Variants in PCDH9 observed in about 807,000 individuals in gnomAD.
The protein encoded by PCDH9 is protocadherin 9.
In PCDH9, 24 loss-of-function variants were observed where a neutral mutation model predicts 70.6. The observed-to-expected ratio is 0.34, with a 90% CI of 0.25 to 0.48. The LOEUF (loss-of-function observed/expected upper bound fraction) is 0.48, where lower values mean the gene tolerates loss of function less well. Ranked by LOEUF, PCDH9 falls within the 20% of genes least tolerant of loss-of-function variation. PCDH9 has a pLI of 0.99. For missense variants in PCDH9, 1,281 were observed against 1,503.6 expected (o/e 0.85, Z 2.45); for synonymous variants, 562 against 558.5 (o/e 1.01, Z -0.09).
intron 2 of PCDH9, among the ~76,000 whole-genome samples, chr13:67,150,062 T>TTGA (rs978237134): frequency 2.6e-5 from 4 of 152,196 alleles, no homozygotes; most frequent in Admixed American, 6.5e-5. Context: ...TTTTATTTTT[T>TTGA]TGATATGGAG....
chr13:66,908,882 T>C (rs1227575349), intron 2 of PCDH9, among the ~76,000 whole-genome samples: 1 of 152,170 alleles, frequency 6.6e-6, no homozygotes, highest in African/African-American at 2.4e-5. Flanking sequence ...GAAAATGTCG[T>C]ATGATAAATT....
At chr13:66,505,975 T>A (rs1959208486) in intron 4 of PCDH9, among the ~76,000 whole-genome samples, 1 of 152,208 alleles carries the variant, frequency 6.6e-6, no homozygotes, top group South Asian at 2.1e-4. Flanking sequence ...TTATCTCTGA[T>A]AAGACACATT....
intron 4 of PCDH9, among the ~76,000 whole-genome samples, chr13:66,449,127 A>G (rs1790041986): frequency 6.6e-6 from 1 of 152,152 alleles, no homozygotes; most frequent in African/African-American, 2.4e-5. Flanking sequence ...TAAAACACTG[A>G]CTGGAACCAA....
At chr13:67,229,416 C>A (rs1029292335) in intron 1 of PCDH9, among the ~76,000 whole-genome samples, 1 of 152,222 alleles carries the variant, frequency 6.6e-6, no homozygotes, top group African/African-American at 2.4e-5. Context: ...AATGCAATTT[C>A]TTAATCCTGA....
At chr13:66,776,227 G>C (rs1019745013) in intron 3 of PCDH9, among the ~76,000 whole-genome samples, 2 of 151,428 alleles carry the variant, frequency 1.3e-5, no homozygotes, top group Non-Finnish European at 2.9e-5. Flanking sequence ...ACAAGACAGG[G>C]ATGCCCTCTC....
intron 3 of PCDH9, among the ~76,000 whole-genome samples, chr13:66,778,841 G>A: frequency 6.6e-6 from 1 of 152,234 alleles, no homozygotes; most frequent in African/African-American, 2.4e-5. Flanking sequence ...ATAATGTGAT[G>A]AGCAGCCCCA....
At chr13:66,811,610 C>T (rs1421908586) in intron 3 of PCDH9, among the ~76,000 whole-genome samples, 1 of 134,994 alleles carries the variant, frequency 7.4e-6, no homozygotes, top group Non-Finnish European at 1.6e-5. Flanking sequence ...TACCTGTCTG[C>T]CTGCCTAACC....
intron 3 of PCDH9, among the ~76,000 whole-genome samples, chr13:66,813,131 G>C (rs1352189489): frequency 6.6e-6 from 1 of 152,204 alleles, no homozygotes; most frequent in East Asian, 1.9e-4. Flanking sequence ...GGGACTGACT[G>C]TTCACCAGTA....
At chr13:66,953,992 C>T (rs1392450230) in intron 2 of PCDH9, among the ~76,000 whole-genome samples, 1 of 152,140 alleles carries the variant, frequency 6.6e-6, no homozygotes, top group African/African-American at 2.4e-5. Context: ...GGACATGTGA[C>T]AGCCAGCATG....
chr13:66,871,837 CT>C (rs933344889), intron 3 of PCDH9, among the ~76,000 whole-genome samples: 6 of 152,072 alleles, frequency 3.9e-5, no homozygotes, highest in East Asian at 1.9e-4. Context: ...CCACCCCCCC[CT>C]CAACATTTCT....
At chr13:66,427,848 ATTC>A (rs1375772321) in intron 4 of PCDH9, among the ~76,000 whole-genome samples, 1 of 151,730 alleles carries the variant, frequency 6.6e-6, no homozygotes, top group Non-Finnish European at 1.5e-5. Context: ...TCGGTTAGTC[ATTC>A]TTAACTCCCA....
intron 4 of PCDH9, among the ~76,000 whole-genome samples, chr13:66,325,117 C>T (rs1285449345): frequency 6.6e-6 from 1 of 151,952 alleles, no homozygotes; most frequent in African/African-American, 2.4e-5. Flanking sequence ...TGTTACACTG[C>T]TCAAATTCTG....
chr13:66,812,392 T>C (rs904100758), intron 3 of PCDH9, among the ~76,000 whole-genome samples: 5 of 152,086 alleles, frequency 3.3e-5, no homozygotes, highest in Middle Eastern at 3.2e-3. Context: ...TCCAACCAAA[T>C]CTTATTGGGC....
At chr13:66,882,677 C>A (rs1445308295) in intron 3 of PCDH9, among the ~76,000 whole-genome samples, 2 of 152,110 alleles carry the variant, frequency 1.3e-5, no homozygotes, top group Non-Finnish European at 2.9e-5. Flanking sequence ...CACAAAGCAG[C>A]CACTCAATGG....
At chr13:66,544,399 T>A (rs1437994786) in intron 4 of PCDH9, among the ~76,000 whole-genome samples, 1 of 152,146 alleles carries the variant, frequency 6.6e-6, no homozygotes, top group Non-Finnish European at 1.5e-5. Flanking sequence ...ACACACACAT[T>A]CATATGACAC....
chr13:67,173,732 G>A (rs993266418), intron 2 of PCDH9, among the ~76,000 whole-genome samples: 2 of 152,120 alleles, frequency 1.3e-5, no homozygotes, highest in African/African-American at 4.8e-5. Flanking sequence ...CGAATTCTAA[G>A]TATTCTTTAC....
chr13:66,500,618 A>T (rs531730037), intron 4 of PCDH9, among the ~76,000 whole-genome samples: 1 of 152,096 alleles, frequency 6.6e-6, no homozygotes, highest in African/African-American at 2.4e-5. Flanking sequence ...ATTATCCACA[A>T]TCTGAAATGA....
chr13:67,047,824 T>C (rs190152183), intron 2 of PCDH9, among the ~76,000 whole-genome samples: 1 of 152,294 alleles, frequency 6.6e-6, no homozygotes, highest in African/African-American at 2.4e-5. Context: ...TAATGCCAAA[T>C]TGGAAGGTTG....
intron 2 of PCDH9, among the ~76,000 whole-genome samples, chr13:67,028,843 G>A (rs903752458): frequency 2.0e-5 from 3 of 151,988 alleles, no homozygotes; most frequent in Non-Finnish European, 2.9e-5. Context: ...ATTTAAACAG[G>A]AGAACGAGAC....
Sources: gnomAD v4.1 joint callset for allele counts (sites outside exome capture counted in the v4.1 genomes callset) on GRCh38, gnomAD v4.1.1 for gene constraint, MANE v1.5 for transcripts, NCBI Gene and HGNC (gene_info 2026-07-23, HGNC 2026-07-21) for gene names.